MIOS: variants seen among roughly 807,000 people sequenced by gnomAD.
The protein encoded by MIOS is GATOR2 complex protein MIOS.
In MIOS, 52 loss-of-function variants were observed where a neutral mutation model predicts 96.9. The ratio of observed to expected loss-of-function variants is 0.54; its 90% CI spans 0.43 to 0.68. MIOS has a LOEUF of 0.68. Among genes scored for constraint, MIOS ranks in the 30% least tolerant of loss-of-function variants. The probability of loss-of-function intolerance (pLI) is 0.00; values close to 1 mark genes in which losing one functional copy is unlikely to be tolerated. For synonymous variants in MIOS, 397 were observed against 359.5 expected, an observed-to-expected ratio of 1.10 and a Z score of -1.18; for missense variants, 1,005 against 1,052.8, an observed-to-expected ratio of 0.95 and a Z score of 0.63.
chr7:7,603,785 C>G (rs1784446405), intron 11 of MIOS, among the ~76,000 whole-genome samples: 1 of 152,076 alleles, frequency 6.6e-6, no homozygotes, highest in African/African-American at 2.4e-5. Flanking sequence ...CAGCACTATT[C>G]ACAATAGCAA....
At chr7:7,571,611 G>C (rs1249918978) in intron 3 of MIOS, among the ~76,000 whole-genome samples, 1 of 152,186 alleles carries the variant, frequency 6.6e-6, no homozygotes, top group Non-Finnish European at 1.5e-5. Flanking sequence ...AATGGCATAG[G>C]TGTTACATGA....
intron 6 of MIOS, among the ~76,000 whole-genome samples, chr7:7,583,747 T>G (rs929818305): frequency 1.3e-5 from 2 of 152,188 alleles, no homozygotes; most frequent in African/African-American, 4.8e-5. Context: ...ATTTGAGTGT[T>G]TTAGTTTATA....
chr7:7,602,801 A>G (rs1331264294), intron 11 of MIOS, among the ~76,000 whole-genome samples: 2 of 152,106 alleles, frequency 1.3e-5, no homozygotes, highest in South Asian at 2.1e-4. Context: ...GAGGCATCAC[A>G]CTACCTGACT....
chr7:7,598,841 T>C (rs980579110), intron 11 of MIOS, among the ~76,000 whole-genome samples: 3 of 152,202 alleles, frequency 2.0e-5, no homozygotes, highest in Non-Finnish European at 4.4e-5. Context: ...TTTGTTATGA[T>C]GACTAATATA....
chr7:7,596,242 T>G lies in MIOS; in HGVS notation c.2197-15T>G, dbSNP rs763674059. The G allele has an allele frequency of 5.6e-6, 9 of 1,609,584 alleles. No individual in the cohort carries two copies. The highest frequency in any genetic ancestry group is 7.6e-6 in the Non-Finnish European group (9 of 1,176,666). On this transcript the variant is annotated splice_polypyrimidine_tract_variant and intron_variant, in intron 10 of 12. Coordinates refer to ENST00000340080, the MANE Select transcript of MIOS (RefSeq NM_019005.4). ...GTTTGCATTACATTTATTTTTTCTT[T>G]CATTTGTTTTGTAGGTTTTTGTGAG...
At chr7:7,594,121 G>C (rs1583649184) in intron 9 of MIOS, among the ~76,000 whole-genome samples, 1 of 151,964 alleles carries the variant, frequency 6.6e-6, no homozygotes, top group African/African-American at 2.4e-5. Context: ...GCTTTTTCTT[G>C]TTCTGTTATT....
intron 3 of MIOS, among the ~76,000 whole-genome samples, chr7:7,568,555 A>C (rs1783234314): frequency 6.6e-6 from 1 of 152,250 alleles, no homozygotes; most frequent in African/African-American, 2.4e-5. Context: ...ATGATGTGCA[A>C]CCTGTGCAGT....
At position 7,596,478 on chromosome 7, in the gene MIOS, C is replaced by T. The variant is rs746103253; in HGVS notation, c.2401+17C>T. 5 of 1,599,198 alleles carry T rather than the reference C, an allele frequency of 3.1e-6. No homozygotes were observed. The highest frequency in any genetic ancestry group is 4.3e-6 in the Non-Finnish European group (5 of 1,167,442). On this transcript the variant is annotated intron_variant, in intron 11 of 12. Transcript: ENST00000340080. ...GCTGTCCTGGTATGACATAATTTTA[C>T]AAAATACTTTTATGAACTGAAATGA...
At chr7:7,570,891 C>T (rs1783329530) in intron 3 of MIOS, among the ~76,000 whole-genome samples, 1 of 152,148 alleles carries the variant, frequency 6.6e-6, no homozygotes, top group African/African-American at 2.4e-5. Flanking sequence ...GGCCAGGGAG[C>T]AGAACTGGTC....
At chr7:7,606,337 G>A (rs922619657) in intron 12 of MIOS, among the ~76,000 whole-genome samples, 1 of 152,018 alleles carries the variant, frequency 6.6e-6, no homozygotes, top group South Asian at 2.1e-4. Flanking sequence ...AACTTTATTC[G>A]GGGAGAGGAT....
At chr7:7,575,505 A>C (rs1286390936) in intron 5 of MIOS, among the ~76,000 whole-genome samples, 1 of 152,124 alleles carries the variant, frequency 6.6e-6, no homozygotes, top group African/African-American at 2.4e-5. Flanking sequence ...AAAAGGGCAC[A>C]CATACTGTTT....
At chr7:7,600,527 T>C (rs1784345086) in intron 11 of MIOS, among the ~76,000 whole-genome samples, 1 of 152,172 alleles carries the variant, frequency 6.6e-6, no homozygotes, top group South Asian at 2.1e-4. Context: ...CTATCCTAAA[T>C]ATATATGCAC....
At position 7,581,593 on chromosome 7, in the gene MIOS, G is replaced by C. The variant is rs566880007; in HGVS notation, c.1394-1525G>C. Reference sequence around the variant, plus strand: ...TCTAGAGGTTGGAGTGCTCTTCCAAGTTCATGGAGTTGTTGGCAGAATTCA... The same window carrying C: ...TCTAGAGGTTGGAGTGCTCTTCCAACTTCATGGAGTTGTTGGCAGAATTCA... On this transcript the variant is annotated intron_variant, in intron 5 of 12. Transcript: ENST00000340080. The C allele has an allele frequency of 2.0e-5, 3 of 152,268 alleles. No homozygotes were observed. In the South Asian group the frequency reaches 6.2e-4, roughly 32 times the overall value. 9.4% of individuals were successfully genotyped at this position (152,268 alleles called of 1,614,324 possible). A position where few individuals can be genotyped will look rare whatever the true frequency, so the allele number is the denominator to read the frequency against.
chr7:7,597,489 T>TAA (rs1784242920), intron 11 of MIOS, among the ~76,000 whole-genome samples: 1 of 57,026 alleles, frequency 1.8e-5, no homozygotes, highest in Non-Finnish European at 3.6e-5. Flanking sequence ...TATATATATA[T>TAA]ATATATATAT....
Position 7,594,311 on chromosome 7 carries a change from C to CTT in MIOS, c.2044-656_2044-655dup, listed in dbSNP as rs35612249. ...TGAGCAATTTTGGTGTGCATTTGGA[C>CTT]TTTTTTTTTTTTTTAAATGGAGTCT... On this transcript the variant is annotated intron_variant, in intron 9 of 12. Transcript: ENST00000340080. Among the ~76,000 whole-genome samples the CTT allele has an allele frequency of 1.5e-4, 22 of 147,970 alleles. No homozygotes were observed. In the East Asian group the frequency reaches 2.6e-3, roughly 17 times the overall value.
intron 5 of MIOS, chr7:7,582,497 T>C (rs1364238294): frequency 1.2e-5 from 3 of 254,474 alleles, no homozygotes; most frequent in Non-Finnish European, 1.9e-5. Context: ...GAAAAAAGAA[T>C]GAGAAATGAA....
chr7:7,570,051 T>G (rs2115334033), intron 3 of MIOS, among the ~76,000 whole-genome samples: 1 of 152,286 alleles, frequency 6.6e-6, no homozygotes, highest in Middle Eastern at 3.4e-3. Context: ...TGGTCAAGGT[T>G]GTGTTGTAGA....
In MIOS at chr7:7,594,960, A is replaced by G; in HGVS notation, c.2044-20A>G. The G allele has an allele frequency of 4.8e-5, 69 of 1,437,182 alleles. No homozygotes were observed. The highest frequency in any genetic ancestry group is 1.9e-4 in the Middle Eastern group (1 of 5,370). 89.0% of individuals were successfully genotyped at this position (1,437,182 alleles called of 1,614,324 possible). On this transcript the variant is annotated intron_variant, in intron 9 of 12. Transcript: ENST00000340080. ...CCAGGAGATTTTAAACAATTGAAATAATTCATGTTTTCGTTTTAGGGTTCA... is the reference window on the plus strand; with the variant it reads ...CCAGGAGATTTTAAACAATTGAAATGATTCATGTTTTCGTTTTAGGGTTCA...
In MIOS at chr7:7,591,908, A is replaced by G. The variant is rs147557318; in HGVS notation, c.2043+2345A>G. 6.6e-3 allele frequency among the ~76,000 whole-genome samples: 1,005 copies of G among 151,526 alleles called. 11 individuals carry two copies. The highest frequency in any genetic ancestry group is 0.013 in the Admixed American group (197 of 15,236). ...TATTACATATGTATTAAACCACTTC[A>G]TAGTGTTCGTAGGTGCCTGAGGCTC... On this transcript the variant is annotated intron_variant, in intron 9 of 12. Transcript: ENST00000340080.
Sources: gnomAD v4.1 joint callset for allele counts (sites outside exome capture counted in the v4.1 genomes callset) on GRCh38, gnomAD v4.1.1 for gene constraint, MANE v1.5 for transcripts, NCBI Gene and HGNC (gene_info 2026-07-23, HGNC 2026-07-21) for gene names.